Variants in KCTD8 observed in about 807,000 individuals in gnomAD.
The protein encoded by KCTD8 is potassium channel tetramerization domain containing 8, also known as BTB/POZ domain-containing protein KCTD8.
Under a neutral mutation model 31.5 loss-of-function variants are expected in KCTD8, and 27 were observed. The ratio of observed to expected loss-of-function variants is 0.86; its 90% CI spans 0.63 to 1.18. The LOEUF (loss-of-function observed/expected upper bound fraction) is 1.18. Ranked by LOEUF, KCTD8 falls within the 50% of genes most tolerant of loss-of-function variation. KCTD8 has a pLI of 0.00. For synonymous variants in KCTD8, 290 were observed against 280.0 expected, an observed-to-expected ratio of 1.04 and a Z score of -0.36; for missense variants, 658 against 647.7, an observed-to-expected ratio of 1.02 and a Z score of -0.17.
rs548952077 is a variant in KCTD8, at chr4:44,289,667, T to C, written c.962-114417A>G. Among the ~76,000 whole-genome samples the C allele has an allele frequency of 5.3e-5, 8 of 152,054 alleles. No individual in the cohort carries two copies. In the South Asian group the frequency reaches 6.2e-4, roughly 12 times the overall value. On this transcript the variant is annotated intron_variant, in intron 1 of 1. Coordinates refer to ENST00000360029, the MANE Select transcript of KCTD8 (RefSeq NM_198353.3). ...GCTACACGAGATCCCACAACCCCCA[T>C]AGACATTTTAACTGGTGGGGGTGTG...
intron 1 of KCTD8, among the ~76,000 whole-genome samples, chr4:44,364,362 T>C (rs1429077772): frequency 1.3e-5 from 2 of 151,738 alleles, no homozygotes; most frequent in Non-Finnish European, 2.9e-5. Context: ...CATTAGGGAA[T>C]TGCAAATTAA....
chr4:44,416,633 C>T (rs1721083985), intron 1 of KCTD8, among the ~76,000 whole-genome samples: 1 of 152,054 alleles, frequency 6.6e-6, no homozygotes, highest in African/African-American at 2.4e-5. Flanking sequence ...CTGGGACATC[C>T]CCTTTCTTTC....
chr4:44,289,653 T>A (rs1201121419), intron 1 of KCTD8, among the ~76,000 whole-genome samples: 2 of 152,094 alleles, frequency 1.3e-5, no homozygotes, highest in South Asian at 4.1e-4. Context: ...CTACACGAGA[T>A]CCCACAACCC....
intron 1 of KCTD8, chr4:44,293,861 T>C: frequency 2.2e-6 from 1 of 447,892 alleles, no homozygotes; most frequent in Non-Finnish European, 4.5e-6. Context: ...AAAAGGATGA[T>C]TTATCAGAAA....
chr4:44,430,635 T>C (rs1721480687), intron 1 of KCTD8, among the ~76,000 whole-genome samples: 2 of 151,622 alleles, frequency 1.3e-5, no homozygotes, highest in Admixed American at 6.6e-5. Flanking sequence ...ACCTAGAATG[T>C]TTATTGGTAA....
chr4:44,365,039 A>G (rs1407845518), intron 1 of KCTD8, among the ~76,000 whole-genome samples: 1 of 152,116 alleles, frequency 6.6e-6, no homozygotes, highest in Admixed American at 6.6e-5. Context: ...TGTACAATAC[A>G]AAGAGTAAAC....
chr4:44,307,057 C>A (rs563586910), intron 1 of KCTD8, among the ~76,000 whole-genome samples: 1 of 151,924 alleles, frequency 6.6e-6, no homozygotes, highest in African/African-American at 2.4e-5. Context: ...CGGCCATAAA[C>A]AAAATCAGTA....
At chr4:44,271,627 A>G (rs1331745092) in intron 1 of KCTD8, among the ~76,000 whole-genome samples, 1 of 152,166 alleles carries the variant, frequency 6.6e-6, no homozygotes, top group Non-Finnish European at 1.5e-5. Context: ...TGGCCCACCC[A>G]GGGCAGAAAA....
intron 1 of KCTD8, among the ~76,000 whole-genome samples, chr4:44,276,751 C>G (rs1383433189): frequency 1.3e-5 from 2 of 151,902 alleles, no homozygotes; most frequent in African/African-American, 4.8e-5. Context: ...TTTTACTCAG[C>G]TTAAATAAAG....
rs181080225 is a variant in KCTD8 at position 44,181,148 on chromosome 4, C to T, written c.962-5898G>A. Among the ~76,000 whole-genome samples the T allele has an allele frequency of 2.5e-3, 379 of 150,378 alleles. 1 individual carries two copies. The highest frequency in any genetic ancestry group is 8.6e-3 in the African/African-American group (353 of 40,828). On this transcript the variant is annotated intron_variant, in intron 1 of 1. Coordinates refer to ENST00000360029, the MANE Select transcript of KCTD8 (RefSeq NM_198353.3). The stretch of plus-strand genomic sequence containing the variant: ...TCTCAGTTTTAAAACCTACTAGATC[C>T]CTCTCCCTCTCCCTCTCCCTCTCCC...
At chr4:44,337,678 A>ATAT (rs1560429798) in intron 1 of KCTD8, among the ~76,000 whole-genome samples, 18 of 122,440 alleles carry the variant, frequency 1.5e-4, no homozygotes, top group African/African-American at 5.7e-4. Flanking sequence ...GATCTCAAAA[A>ATAT]ATATATATAT....
intron 1 of KCTD8, among the ~76,000 whole-genome samples, chr4:44,446,800 C>T (rs1383626796): frequency 6.6e-6 from 1 of 152,118 alleles, no homozygotes; most frequent in African/African-American, 2.4e-5. Flanking sequence ...CCTCCCTCCT[C>T]CCTTGCCCCT....
At chr4:44,316,183 G>A (rs1233951288) in intron 1 of KCTD8, among the ~76,000 whole-genome samples, 1 of 151,736 alleles carries the variant, frequency 6.6e-6, no homozygotes, top group Non-Finnish European at 1.5e-5. Flanking sequence ...TATTTTTTGA[G>A]ATAATTTGTT....
At chr4:44,205,673 C>T (rs775992052) in intron 1 of KCTD8, among the ~76,000 whole-genome samples, 8 of 152,146 alleles carry the variant, frequency 5.3e-5, no homozygotes, top group South Asian at 4.1e-4. Flanking sequence ...GGAGAAGTAA[C>T]GAACTAAGGA....
At chr4:44,378,810 C>T (rs1198722430) in intron 1 of KCTD8, among the ~76,000 whole-genome samples, 3 of 152,050 alleles carry the variant, frequency 2.0e-5, no homozygotes, top group Non-Finnish European at 4.4e-5. Flanking sequence ...ATCTTGAAAC[C>T]ATAGAAATGT....
chr4:44,397,882 T>G (rs1195813658), intron 1 of KCTD8, among the ~76,000 whole-genome samples: 1 of 152,122 alleles, frequency 6.6e-6, no homozygotes, highest in Non-Finnish European at 1.5e-5. Context: ...CCTAAAAAAT[T>G]GATTTTTTTG....
At chr4:44,215,886 C>A (rs945892498) in intron 1 of KCTD8, among the ~76,000 whole-genome samples, 1 of 152,046 alleles carries the variant, frequency 6.6e-6, no homozygotes, top group Non-Finnish European at 1.5e-5. Flanking sequence ...AAACAGGTAC[C>A]CTGTGTGATG....
At chr4:44,395,227 G>A (rs955918622) in intron 1 of KCTD8, among the ~76,000 whole-genome samples, 2 of 152,118 alleles carry the variant, frequency 1.3e-5, no homozygotes, top group African/African-American at 4.8e-5. Context: ...GAGAGGTAAA[G>A]GGATAGCGTG....
At chr4:44,315,883 A>C (rs1375439453) in intron 1 of KCTD8, among the ~76,000 whole-genome samples, 1 of 152,034 alleles carries the variant, frequency 6.6e-6, no homozygotes, top group Non-Finnish European at 1.5e-5. Flanking sequence ...TTTCTTTCTA[A>C]ATAGTTTTAA....
Sources: allele counts gnomAD v4.1 joint callset (sites outside exome capture counted in the v4.1 genomes callset), GRCh38; gene constraint gnomAD v4.1.1; transcripts MANE v1.5; gene names NCBI Gene and HGNC (gene_info 2026-07-23, HGNC 2026-07-21).